RBFOX3: variants seen among roughly 807,000 people sequenced by gnomAD.
The protein encoded by RBFOX3 is RNA binding fox-1 homolog 3.
A neutral mutation model predicts 48.7 loss-of-function variants in RBFOX3; 17 were observed. The ratio of observed to expected loss-of-function variants is 0.35; its 90% CI spans 0.24 to 0.52. RBFOX3 has a LOEUF of 0.52. Among genes scored for constraint, RBFOX3 ranks in the 20% least tolerant of loss-of-function variants. The pLI, the probability that RBFOX3 is intolerant of heterozygous loss-of-function variation, is 0.94. For missense variants in RBFOX3, 382 were observed against 497.5 expected (o/e 0.77, Z 2.21); for synonymous variants, 212 against 209.5 (o/e 1.01, Z -0.10).
intron 14 of RBFOX3, 144 bp from the exon 15 acceptor site, chr17:79,091,029 A>T: frequency 1.2e-6 from 1 of 823,282 alleles, no homozygotes; most frequent in Non-Finnish European, 1.9e-6. Flanking sequence ...CAGGACCCTC[A>T]TCTTCCAGGG....
chr17:79,115,667 CGTT>C lies in RBFOX3; in HGVS notation c.46_48del (p.Asn16del). The C allele has an allele frequency of 2.2e-6, 2 of 893,578 alleles. No homozygotes were observed. The highest frequency in any genetic ancestry group is 3.0e-6 in the Non-Finnish European group (2 of 677,604). 55.4% of individuals were successfully genotyped at this position (893,578 alleles called of 1,614,324 possible). On this transcript the variant is annotated inframe_deletion, in exon 5 of 15. Transcript: ENST00000693108. ...GGCGGGGCGTACTCGGCAGGGATGC[CGTT>C]CTGTGGCGGAGGGGGGTACTGGGCG...
At chr17:79,293,485 C>T (rs2073800203) in intron 3 of RBFOX3, among the ~76,000 whole-genome samples, 1 of 145,850 alleles carries the variant, frequency 6.9e-6, no homozygotes, top group Admixed American at 7.1e-5. Context: ...TCCTGTCTCA[C>T]TCTGTCTCCC....
At chr17:79,655,789 C>T in the RBFOX3 span, among the ~76,000 whole-genome samples, 2 of 152,172 alleles carry the variant, frequency 1.3e-5, no homozygotes, top group African/African-American at 4.8e-5. Flanking sequence ...AATCATCCCT[C>T]AGTATGGGGT....
At chr17:79,322,968 C>T (rs1277714344) in intron 2 of RBFOX3, among the ~76,000 whole-genome samples, 1 of 152,220 alleles carries the variant, frequency 6.6e-6, no homozygotes, top group Non-Finnish European at 1.5e-5. Context: ...CCTGAGCTCA[C>T]TTGTCACAAG....
chr17:79,536,085 G>A (rs1599073827), intron 1 of RBFOX3, among the ~76,000 whole-genome samples: 1 of 152,146 alleles, frequency 6.6e-6, no homozygotes, highest in South Asian at 2.1e-4. Flanking sequence ...CCATGGCCAG[G>A]CAGTTCGGCC....
At chr17:79,347,302 G>GT (rs2083073720) in intron 2 of RBFOX3, among the ~76,000 whole-genome samples, 1 of 152,138 alleles carries the variant, frequency 6.6e-6, no homozygotes, top group Non-Finnish European at 1.5e-5. Context: ...AAATTTCACT[G>GT]TAAGTGTATA....
At chr17:79,303,242 C>T (rs763683039) in intron 3 of RBFOX3, among the ~76,000 whole-genome samples, 3 of 152,166 alleles carry the variant, frequency 2.0e-5, no homozygotes, top group Non-Finnish European at 2.9e-5. Context: ...TTTAATTCAC[C>T]AAATTATTTT....
chr17:79,556,217 A>G (rs2091744744), intron 1 of RBFOX3, among the ~76,000 whole-genome samples: 1 of 151,840 alleles, frequency 6.6e-6, no homozygotes, highest in African/African-American at 2.4e-5. Flanking sequence ...GCTGGTCTCC[A>G]CTCCTCCCTC....
At chr17:79,233,042 G>A (rs947597568) in intron 4 of RBFOX3, among the ~76,000 whole-genome samples, 1 of 152,204 alleles carries the variant, frequency 6.6e-6, no homozygotes, top group East Asian at 1.9e-4. Context: ...GCACAGACTT[G>A]CACACACATA....
At chr17:79,345,172 T>A (rs2082697212) in intron 2 of RBFOX3, among the ~76,000 whole-genome samples, 1 of 152,222 alleles carries the variant, frequency 6.6e-6, no homozygotes, top group African/African-American at 2.4e-5. Flanking sequence ...TCCTGAGAGC[T>A]TCTCTTCTCC....
chr17:79,651,329 G>A, the RBFOX3 span, among the ~76,000 whole-genome samples: 2 of 152,196 alleles, frequency 1.3e-5, no homozygotes, highest in African/African-American at 4.8e-5. Context: ...TAAGGGGAAA[G>A]ACAGACAGCG....
intron 1 of RBFOX3, among the ~76,000 whole-genome samples, chr17:79,504,020 G>A (rs2082729518): frequency 6.7e-6 from 1 of 149,054 alleles, no homozygotes; most frequent in Non-Finnish European, 1.5e-5. Context: ...CAGGTGGCAG[G>A]GTGCTCCAGG....
intron 6 of RBFOX3, among the ~76,000 whole-genome samples, chr17:79,105,805 G>A (rs1208729833): frequency 6.6e-6 from 1 of 152,164 alleles, no homozygotes; most frequent in African/African-American, 2.4e-5. Flanking sequence ...CGGAAGAGAA[G>A]TTTGGAGGGA....
At chr17:79,411,907 T>C (rs147297715) in intron 2 of RBFOX3, among the ~76,000 whole-genome samples, 7 of 152,210 alleles carry the variant, frequency 4.6e-5, no homozygotes, top group Admixed American at 1.3e-4. Flanking sequence ...GTTGTGTATA[T>C]GTATGTGTGG....
At chr17:79,457,434 C>T (rs2074694787) in intron 2 of RBFOX3, among the ~76,000 whole-genome samples, 2 of 152,176 alleles carry the variant, frequency 1.3e-5, no homozygotes, top group Admixed American at 1.3e-4. Flanking sequence ...TCATCGACTT[C>T]CAGAGATCTG....
chr17:79,370,221 A>C (rs1249305584), intron 2 of RBFOX3, among the ~76,000 whole-genome samples: 2 of 152,234 alleles, frequency 1.3e-5, no homozygotes, highest in Non-Finnish European at 2.9e-5. Flanking sequence ...AAAATCTTCC[A>C]GATAGATTCC....
intron 4 of RBFOX3, chr17:79,183,190 T>C (rs1417136969): frequency 6.8e-6 from 1 of 146,518 alleles, no homozygotes; most frequent in Non-Finnish European, 1.5e-5. Flanking sequence ...GGCGGCCAAG[T>C]GCGGGGCGTG....
intron 1 of RBFOX3, among the ~76,000 whole-genome samples, chr17:79,580,241 T>TCTC (rs1273234649): frequency 7.7e-6 from 1 of 129,608 alleles, no homozygotes; most frequent in South Asian, 2.7e-4. Flanking sequence ...ATCATCTCCA[T>TCTC]CTCCTCCTCC....
chr17:79,579,689 T>C (rs1272434224), intron 1 of RBFOX3, among the ~76,000 whole-genome samples: 2 of 150,482 alleles, frequency 1.3e-5, no homozygotes, highest in South Asian at 2.1e-4. Context: ...CTCGGCACCA[T>C]GGTGGGGAAG....
Sources: gnomAD v4.1 joint callset for allele counts (sites outside exome capture counted in the v4.1 genomes callset) on GRCh38, gnomAD v4.1.1 for gene constraint, MANE v1.5 for transcripts, NCBI Gene and HGNC (gene_info 2026-07-23, HGNC 2026-07-21) for gene names.